LINGO2: variants seen among roughly 807,000 people sequenced by gnomAD.
The protein encoded by LINGO2 is leucine rich repeat and Ig domain containing 2.
In LINGO2, 14 loss-of-function variants were observed where a neutral mutation model predicts 30.6. The observed-to-expected ratio is 0.46, with a 90% CI of 0.30 to 0.72. The LOEUF (loss-of-function observed/expected upper bound fraction) is 0.72, where lower values mean the gene tolerates loss of function less well. Ranked by LOEUF, LINGO2 falls within the 30% of genes least tolerant of loss-of-function variation. The probability of loss-of-function intolerance (pLI) is 0.07; values close to 1 mark genes in which losing one functional copy is unlikely to be tolerated. For missense variants in LINGO2, 729 were observed against 751.7 expected (o/e 0.97, Z 0.35); for synonymous variants, 317 against 288.5 (o/e 1.10, Z -1.00).
intron 1 of LINGO2, among the ~76,000 whole-genome samples, chr9:28,632,402 C>G (rs1232689657): frequency 6.6e-6 from 1 of 151,652 alleles, no homozygotes; most frequent in Non-Finnish European, 1.5e-5. Context: ...CCTACCCAGT[C>G]TCACACTATC....
At chr9:28,363,764 T>G (rs17767000) in intron 3 of LINGO2, among the ~76,000 whole-genome samples, 14,490 of 152,272 alleles carry the variant, frequency 0.095, 937 homozygotes, top group Admixed American at 0.16. Flanking sequence ...ATTCCTGAGA[T>G]TCCTGTTCCA....
At position 28,322,150 on chromosome 9, in the gene LINGO2, G is replaced by A. The variant is rs76220925; in HGVS notation, c.-245-26784C>T. ...TTTTTTTCATCTTTAGACACATCAA[G>A]TTCATACTGGCCTTGGGCCTGTGCT... On this transcript the variant is annotated intron_variant, in intron 3 of 5. Transcript: ENST00000379992. Among the ~76,000 whole-genome samples, 585 of 152,178 alleles carry A rather than the reference G, an allele frequency of 3.8e-3. 5 individuals carry two copies. Among genetic ancestry groups the A allele is most frequent in the Non-Finnish European group, 6.6e-3 (449 of 68,002 alleles).
At chr9:28,362,424 A>C (rs948268665) in intron 3 of LINGO2, among the ~76,000 whole-genome samples, 6 of 152,214 alleles carry the variant, frequency 3.9e-5, no homozygotes, top group Non-Finnish European at 8.8e-5. Flanking sequence ...AAGAATCAAA[A>C]GAAAAGAGGA....
At chr9:28,209,637 C>T (rs192181113) in intron 4 of LINGO2, among the ~76,000 whole-genome samples, 9 of 150,552 alleles carry the variant, frequency 6.0e-5, no homozygotes, top group Admixed American at 2.0e-4. Context: ...TAAGTTGTAA[C>T]GGTAAAGCTC....
chr9:28,991,279 A>G, the LINGO2 span, among the ~76,000 whole-genome samples: 1 of 151,554 alleles, frequency 6.6e-6, no homozygotes, highest in Non-Finnish European at 1.5e-5. Context: ...TGGAAGATGA[A>G]ATGAATGAAA....
chr9:28,590,714 T>G (rs984797061), intron 1 of LINGO2, among the ~76,000 whole-genome samples: 1 of 152,184 alleles, frequency 6.6e-6, no homozygotes, highest in Admixed American at 6.5e-5. Context: ...TTGGCGGGAC[T>G]GTAAACTAGT....
At position 28,027,694 on chromosome 9, in the gene LINGO2, C is replaced by A. The variant is rs1264794523; in HGVS notation, c.-86-15289G>T. On this transcript the variant is annotated intron_variant, in intron 4 of 5. Coordinates refer to ENST00000379992, the Ensembl canonical transcript of LINGO2. Reference sequence around the variant, plus strand: ...AAAACATATTTTACAAACTTTCTGGCAGGATTAAATGCGAGGTGGTATATA... The same window carrying A: ...AAAACATATTTTACAAACTTTCTGGAAGGATTAAATGCGAGGTGGTATATA... Among the ~76,000 whole-genome samples, 4 of 152,208 alleles carry A rather than the reference C, an allele frequency of 2.6e-5. No homozygotes were observed. In the East Asian group the frequency reaches 5.8e-4, roughly 22 times the overall value.
the LINGO2 span, among the ~76,000 whole-genome samples, chr9:28,915,121 ACT>A: frequency 1.3e-5 from 2 of 152,168 alleles, no homozygotes; most frequent in Non-Finnish European, 2.9e-5. Flanking sequence ...ACAGAGCGAG[ACT>A]CTGTCTCAAA....
the LINGO2 span, among the ~76,000 whole-genome samples, chr9:29,166,591 G>A: frequency 0.046 from 6,974 of 152,152 alleles, 234 homozygotes; most frequent in Admixed American, 0.082. Context: ...TTATTACTCT[G>A]TAAGTGGTAT....
rs555057767 is a variant in LINGO2, at chr9:28,145,101, A to C, written c.-86-132696T>G. On this transcript the variant is annotated intron_variant, in intron 4 of 5. Coordinates refer to ENST00000379992, the Ensembl canonical transcript of LINGO2. Reference sequence around the variant, plus strand: ...ACCTTTTCTCTTTTCTCCATCCATCACTGCATTGTCACAGTGTTCTCTGAA... The same window carrying C: ...ACCTTTTCTCTTTTCTCCATCCATCCCTGCATTGTCACAGTGTTCTCTGAA... Among the ~76,000 whole-genome samples the C allele has an allele frequency of 3.9e-5, 6 of 152,310 alleles. No individual in the cohort carries two copies. In the East Asian group the frequency reaches 1.2e-3, roughly 29 times the overall value.
chr9:28,060,109 A>T (rs1193926280), intron 4 of LINGO2, among the ~76,000 whole-genome samples: 1 of 151,898 alleles, frequency 6.6e-6, no homozygotes, highest in Non-Finnish European at 1.5e-5. Context: ...GTAGTCTCCT[A>T]TATTGCAGAG....
chr9:29,182,017 T>C, the LINGO2 span, among the ~76,000 whole-genome samples: 3 of 152,202 alleles, frequency 2.0e-5, no homozygotes, highest in Admixed American at 6.5e-5. Context: ...ACAGCCTACA[T>C]GGCCATGGGG....
chr9:28,076,394 C>G (rs979841176), intron 4 of LINGO2, among the ~76,000 whole-genome samples: 1 of 152,064 alleles, frequency 6.6e-6, no homozygotes, highest in Non-Finnish European at 1.5e-5. Context: ...TCCCCCCAAA[C>G]AGTAAACATA....
intron 1 of LINGO2, among the ~76,000 whole-genome samples, chr9:28,490,754 T>G (rs562813305): frequency 3.0e-4 from 46 of 152,310 alleles, no homozygotes; most frequent in South Asian, 1.0e-3. Flanking sequence ...AATACTGGGA[T>G]TGTATAAATT....
the LINGO2 span, among the ~76,000 whole-genome samples, chr9:29,060,508 G>T: frequency 1.9e-4 from 29 of 151,954 alleles, no homozygotes; most frequent in Non-Finnish European, 3.7e-4. Flanking sequence ...TATTTTAAAT[G>T]TCCAAGACAC....
chr9:27,999,436 CAGAGAGAGAGAGAGAGAG>C (rs36216761), intron 5 of LINGO2, among the ~76,000 whole-genome samples: 8 of 143,772 alleles, frequency 5.6e-5, no homozygotes, highest in Admixed American at 2.8e-4. Context: ...GCCTAATCTT[CAGAGAGAGAGAGAGAGAG>C]AGAGAGAGAG....
rs185033543 is a variant in LINGO2, at chr9:28,047,970, A to T, written c.-86-35565T>A. Among the ~76,000 whole-genome samples, 182 of 150,706 alleles carry T rather than the reference A, an allele frequency of 1.2e-3. 7 individuals are homozygous for T. The highest frequency in any genetic ancestry group is 1.7e-3 in the Non-Finnish European group (116 of 67,898). ...TAGAATCAACGTAATTTCCACAAAA[A>T]ATATGAAAAGTGTGACTGTAATAGA... On this transcript the variant is annotated intron_variant, in intron 4 of 5. Coordinates refer to ENST00000379992, the Ensembl canonical transcript of LINGO2.
At chr9:28,649,946 A>G (rs970502728) in intron 1 of LINGO2, among the ~76,000 whole-genome samples, 14 of 152,026 alleles carry the variant, frequency 9.2e-5, no homozygotes, top group African/African-American at 2.7e-4. Flanking sequence ...GGTCAGTATG[A>G]AAAACTAAAG....
chr9:29,073,405 G>C, the LINGO2 span, among the ~76,000 whole-genome samples: 3 of 152,224 alleles, frequency 2.0e-5, no homozygotes, highest in African/African-American at 7.2e-5. Flanking sequence ...TTAGTCTAAA[G>C]CAGGAGAAGG....
Sources: gnomAD v4.1 joint callset for allele counts (sites outside exome capture counted in the v4.1 genomes callset) on GRCh38, gnomAD v4.1.1 for gene constraint, MANE v1.5 for transcripts, NCBI Gene and HGNC (gene_info 2026-07-23, HGNC 2026-07-21) for gene names.